The following ANOS1 variants were observed in gnomAD, a reference collection of about 807,000 sequenced individuals.
ANOS1 encodes anosmin-1.
A neutral mutation model predicts 59.0 loss-of-function variants in ANOS1; 6 were observed. That is an observed-to-expected ratio of 0.10 (90% CI 0.06 to 0.20). ANOS1 has a LOEUF of 0.20. Ranked by LOEUF, ANOS1 falls within the 10% of genes least tolerant of loss-of-function variation. ANOS1 has a pLI of 1.00. For missense variants in ANOS1, 433 were observed against 542.3 expected (o/e 0.80, Z 2.00); for synonymous variants, 217 against 223.4 (o/e 0.97, Z 0.25).
In ANOS1 at chrX:8,594,295, G is replaced by A. The variant is rs138120603; in HGVS notation, c.541+2739C>T. 7.6e-3 allele frequency among the ~76,000 whole-genome samples: 841 copies of A among 110,202 alleles called. 7 individuals carry two copies. Among genetic ancestry groups the A allele is most frequent in the African/African-American group, 0.026 (800 of 30,316 alleles). On this transcript the variant is annotated intron_variant, in intron 4 of 13. Coordinates refer to ENST00000262648, the MANE Select transcript of ANOS1 (RefSeq NM_000216.4). Reference sequence around the variant, plus strand: ...AGGCATCTTGGAGGTAGGAAAGACAGTGATCACGAGTATCCTAAGATTGCA... The same window carrying A: ...AGGCATCTTGGAGGTAGGAAAGACAATGATCACGAGTATCCTAAGATTGCA...
chrX:8,637,465 G>GA (rs1774866621), intron 2 of ANOS1, among the ~76,000 whole-genome samples: 1 of 111,156 alleles, frequency 9.0e-6, no homozygotes, highest in Non-Finnish European at 1.9e-5. Context: ...AAAAAATGCA[G>GA]AAAAAAGAAA....
intron 2 of ANOS1, among the ~76,000 whole-genome samples, chrX:8,638,045 G>A (rs1227285104): frequency 1.8e-5 from 2 of 111,565 alleles, no homozygotes; most frequent in African/African-American, 6.5e-5. Context: ...CTCCAGAGAG[G>A]GCTCAGAGCA....
At chrX:8,554,177 G>T in intron 8 of ANOS1, 79 bp from the exon 9 acceptor site, 2 of 753,837 alleles carry the variant, frequency 2.7e-6, no homozygotes, top group Non-Finnish European at 4.1e-6. Flanking sequence ...AATAGGAACA[G>T]CTCCATTATG....
Position 8,530,283 on chromosome X carries a change from AAC to A in ANOS1, c.*2710_*2711del, listed in dbSNP as rs1347683324. 8.9e-6 allele frequency: 1 copy of A among 112,119 alleles called. No individual in the cohort carries two copies. Among genetic ancestry groups the A allele is most frequent in the East Asian group, 2.8e-4 (1 of 3,591 alleles). The allele number at this position is 112,119 out of a possible 1,213,427, so 9.2% of individuals were successfully genotyped here. A position where few individuals can be genotyped will look rare whatever the true frequency, so the allele number is the denominator to read the frequency against. ...TATTTTTGATGAGCTCAATTTTTTA[AAC>A]AGTCAATACTATTACTGGATATATT... On this transcript the variant is annotated 3_prime_UTR_variant, in exon 14 of 14. Transcript: ENST00000262648.
chrX:8,670,663 A>G (rs1189341955), intron 2 of ANOS1, among the ~76,000 whole-genome samples: 1 of 111,725 alleles, frequency 9.0e-6, no homozygotes, highest in Admixed American at 9.5e-5. Context: ...GGACAACTCA[A>G]ATTTACATCT....
rs746472787 is a variant in ANOS1 at position 8,663,175 on chromosome X, T to C, written c.255+36523A>G. Among the ~76,000 whole-genome samples the C allele has an allele frequency of 2.6e-4, 29 of 111,995 alleles. 1 individual carries two copies. The South Asian group carries it at 0.011, about 42-fold the overall frequency. On this transcript the variant is annotated intron_variant, in intron 2 of 13. Transcript: ENST00000262648. ...GACACCTTGGTTCACACTTCCAGTC[T>C]CCAAAATTGTGAGACAATAAATTTC...
At chrX:8,558,013 T>C (rs1929974409) in intron 8 of ANOS1, among the ~76,000 whole-genome samples, 1 of 111,617 alleles carries the variant, frequency 9.0e-6, no homozygotes, top group Non-Finnish European at 1.9e-5. Context: ...TGAGTTCATG[T>C]CTTTTGCAGG....
intron 1 of ANOS1, among the ~76,000 whole-genome samples, chrX:8,729,586 G>A (rs1352177306): frequency 9.7e-6 from 1 of 103,336 alleles, no homozygotes; most frequent in Non-Finnish European, 2.0e-5. Context: ...TTGTAGAGAC[G>A]GGATTTCAAG....
intron 1 of ANOS1, among the ~76,000 whole-genome samples, chrX:8,730,339 G>A (rs1479887256): frequency 1.8e-5 from 2 of 112,041 alleles, no homozygotes. Flanking sequence ...CACCACAGGA[G>A]GTGAGCACTG....
At chrX:8,582,653 A>G (rs1056609385) in intron 6 of ANOS1, among the ~76,000 whole-genome samples, 1 of 111,412 alleles carries the variant, frequency 9.0e-6, no homozygotes, top group Admixed American at 9.5e-5. Context: ...AGGACTAAAA[A>G]GGAGGGGATC....
intron 1 of ANOS1, among the ~76,000 whole-genome samples, chrX:8,704,987 A>G (rs1452200285): frequency 8.9e-6 from 1 of 111,758 alleles, no homozygotes; most frequent in African/African-American, 3.3e-5. Flanking sequence ...ATACTAAAAT[A>G]CAAATAAAAC....
chrX:8,597,554 A>G (rs1315134168), intron 3 of ANOS1, among the ~76,000 whole-genome samples: 1 of 110,225 alleles, frequency 9.1e-6, no homozygotes, highest in Non-Finnish European at 1.9e-5. Context: ...TTCCAAAAAA[A>G]CTGATTATAG....
intron 2 of ANOS1, among the ~76,000 whole-genome samples, chrX:8,685,654 AAG>A (rs1932509561): frequency 9.9e-6 from 1 of 101,028 alleles, no homozygotes; most frequent in African/African-American, 3.7e-5. Context: ...GAAAGAAAGA[AAG>A]AAAAAGAAAG....
intron 9 of ANOS1, among the ~76,000 whole-genome samples, chrX:8,541,827 C>T (rs1347125921): frequency 1.4e-5 from 1 of 73,593 alleles, no homozygotes; most frequent in African/African-American, 5.5e-5. Context: ...ATACACAGCA[C>T]GTGCCAAAGT....
chrX:8,615,007 A>T (rs955345520), intron 3 of ANOS1, among the ~76,000 whole-genome samples: 3 of 94,557 alleles, frequency 3.2e-5, no homozygotes, highest in African/African-American at 1.2e-4. Flanking sequence ...TGGTTGGCAA[A>T]GAATATCTCA....
At position 8,564,467 on chromosome X, in the gene ANOS1, T is replaced by C. The variant is rs149548038; in HGVS notation, c.1207+3765A>G. 3.6e-5 allele frequency among the ~76,000 whole-genome samples: 4 copies of C among 112,325 alleles called. No individual in the cohort carries two copies. The East Asian group carries it at 1.1e-3, about 31-fold the overall frequency. ...AGTGGAGAGGAATAGGCTGAGGTTGTAGGCAAATGAGGGAATAACTAATTA... is the reference window on the plus strand; with the variant it reads ...AGTGGAGAGGAATAGGCTGAGGTTGCAGGCAAATGAGGGAATAACTAATTA... On this transcript the variant is annotated intron_variant, in intron 8 of 13. Coordinates refer to ENST00000262648, the MANE Select transcript of ANOS1 (RefSeq NM_000216.4).
At chrX:8,621,751 T>C (rs1159718391) in intron 3 of ANOS1, among the ~76,000 whole-genome samples, 1 of 111,545 alleles carries the variant, frequency 9.0e-6, no homozygotes, top group Non-Finnish European at 1.9e-5. Flanking sequence ...AGTAAGTTGG[T>C]TTTGCAGTTA....
chrX:8,725,221 G>A (rs1450205354), intron 1 of ANOS1, among the ~76,000 whole-genome samples: 1 of 110,725 alleles, frequency 9.0e-6, no homozygotes, highest in Non-Finnish European at 1.9e-5. Flanking sequence ...TGAGAGTCAG[G>A]TTTCTGGACA....
intron 4 of ANOS1, among the ~76,000 whole-genome samples, chrX:8,588,920 A>G (rs754662933): frequency 8.9e-6 from 1 of 112,905 alleles, no homozygotes; most frequent in African/African-American, 3.2e-5. Flanking sequence ...TACCATTAAT[A>G]GCATTTTCTG....
Sources: gnomAD v4.1 joint callset for allele counts (sites outside exome capture counted in the v4.1 genomes callset) on GRCh38, gnomAD v4.1.1 for gene constraint, MANE v1.5 for transcripts, NCBI Gene and HGNC (gene_info 2026-07-23, HGNC 2026-07-21) for gene names.